Variants in PIGT observed in about 807,000 individuals in gnomAD.
PIGT encodes phosphatidylinositol glycan anchor biosynthesis class T.
A neutral mutation model predicts 66.7 loss-of-function variants in PIGT; 57 were observed. That is an observed-to-expected ratio of 0.86 (90% confidence interval 0.69 to 1.07). The LOEUF (loss-of-function observed/expected upper bound fraction) is 1.07, where lower values mean the gene tolerates loss of function less well. Among genes scored for constraint, PIGT ranks in the 50% least tolerant of loss-of-function variants. The pLI is 0.00. For missense variants in PIGT, 725 were observed against 740.4 expected (o/e 0.98, Z 0.24); for synonymous variants, 362 against 320.5 (o/e 1.13, Z -1.38).
intron 1 of PIGT, 36 bp from the exon 2 acceptor site, chr20:45,416,481 G>A: frequency 1.9e-6 from 3 of 1,602,012 alleles, no homozygotes; most frequent in Non-Finnish European, 2.6e-6. Flanking sequence ...CCCCGACGAG[G>A]TGGGGATCGT....
chr20:45,420,081 G>A (rs963529683), intron 5 of PIGT, 55 bp from the exon 6 acceptor site: 72 of 1,258,922 alleles, frequency 5.7e-5, no homozygotes, highest in Non-Finnish European at 7.6e-5. Context: ...TCTTTTTGGG[G>A]GCTGTGTGGT....
At chr20:45,416,422 T>C (rs1323401347) in intron 1 of PIGT, 79 bp downstream of exon 1, 1 of 1,557,076 alleles carries the variant, frequency 6.4e-7, no homozygotes, top group African/African-American at 1.4e-5. Context: ...AGGCAAACTT[T>C]GGGGGCGGGG....
chr20:45,424,680 A>G (rs1402599888), intron 11 of PIGT, 101 bp downstream of exon 11: 5 of 822,560 alleles, frequency 6.1e-6, no homozygotes, highest in African/African-American at 1.7e-5. Context: ...TAGATGTTAC[A>G]TCTTCCAAAG....
At chr20:45,416,423 G>A in intron 1 of PIGT, 80 bp downstream of exon 1, 1 of 1,556,812 alleles carries the variant, frequency 6.4e-7, no homozygotes, top group South Asian at 1.2e-5. Flanking sequence ...GGCAAACTTT[G>A]GGGGCGGGGC....
chr20:45,421,473 C>T lies in PIGT; in HGVS notation c.1124C>T (p.Thr375Ile). 2 of 1,614,198 alleles carry T rather than the reference C, an allele frequency of 1.2e-6. No individual in the cohort carries two copies. The highest frequency in any genetic ancestry group is 2.2e-5 in the South Asian group (2 of 91,088). The change falls in exon 9 of 12, where the codon ACC (threonine) becomes ATC (isoleucine). Residue 375 changes from threonine (T) to isoleucine (I), a missense_variant. Transcript: ENST00000279036. ...GAGCTGAGCACACTGCTGTACAACA[C>T]CCACCCATACCGGGCCTTCCCGGTG... ...KGELSTLLYN[T>I]HPYRAFPVLL...
chr20:45,416,206 C>T lies in PIGT; in HGVS notation c.50C>T (p.Pro17Leu), dbSNP rs1165358080. ...LALLVLLLLG[P>L]GGWCLAEPPR... ...CTGCTCGTCCTGTTGCTCCTGGGGC[C>T]CGGCGGCTGGTGCCTTGCAGAACCC... is the stretch of plus-strand genomic sequence containing the variant. Residue 17 changes from proline to leucine, a missense_variant, in exon 1 of 12, where the codon CCC becomes CTC. By Grantham distance (98) the Pro-to-Leu change is moderately conservative (BLOSUM62 -3). Around this residue, in one of 3 missense-constraint regions of PIGT, gnomAD observed 559 missense variants for 552.7 expected, o/e 1.01. Coordinates refer to ENST00000279036, the MANE Select transcript of PIGT (RefSeq NM_015937.6). The T allele has an allele frequency of 6.3e-7, 1 of 1,592,498 alleles. No individual in the cohort carries two copies. The highest frequency in any genetic ancestry group is 8.5e-7 in the Non-Finnish European group (1 of 1,170,412).
chr20:45,425,400 C>G (rs879246843), intron 11 of PIGT, 174 bp from the exon 12 acceptor site: 6 of 498,208 alleles, frequency 1.2e-5, no homozygotes, highest in African/African-American at 1.2e-4. Flanking sequence ...GCCCCCCGCC[C>G]GCCGCTCCCC....
chr20:45,421,679 A>T, intron 9 of PIGT, 96 bp downstream of exon 9: 2 of 981,942 alleles, frequency 2.0e-6, no homozygotes, highest in South Asian at 3.0e-5. Flanking sequence ...TTCCTGAAGT[A>T]CCTCTGAAAA....
intron 2 of PIGT, chr20:45,417,622 C>T (rs570926607): frequency 5.3e-5 from 8 of 152,238 alleles, no homozygotes; most frequent in Non-Finnish European, 1.2e-4. Context: ...GCCACCACAC[C>T]TGGCCTCATT....
At chr20:45,417,942 C>T (rs939707189) in intron 2 of PIGT, 26 of 152,210 alleles carry the variant, frequency 1.7e-4, no homozygotes, top group Non-Finnish European at 1.5e-5. Context: ...CTCTGGCTCC[C>T]CTACCCTTTC....
chr20:45,419,055 T>C, intron 3 of PIGT, 76 bp downstream of exon 3: 1 of 1,578,994 alleles, frequency 6.3e-7, no homozygotes. Flanking sequence ...TCCCTCAGTT[T>C]CCTGCTTCCT....
rs1175792362 is a variant in PIGT, at chr20:45,424,295, A to G, written c.1314A>G (p.Ser438=). ...TGCTGATTCAGCTGCCGGCCAACTC[A>G]GTCACCAAGGTTTCCATCCAGTTTG... ...LEMLIQLPAN[S]VTKVSIQFER... Residue 438 remains serine (S), a synonymous_variant, in exon 10 of 12, where the codon TCA becomes TCG. Transcript: ENST00000279036. The G allele has an allele frequency of 6.2e-7, 1 of 1,614,158 alleles. No homozygotes were observed. Among genetic ancestry groups the G allele is most frequent in the Admixed American group, 1.7e-5 (1 of 60,022 alleles).
chr20:45,419,468 T>C, intron 4 of PIGT, 36 bp from the exon 5 acceptor site: 1 of 1,613,322 alleles, frequency 6.2e-7, no homozygotes, highest in Non-Finnish European at 8.5e-7. Flanking sequence ...AAGTGCTCCA[T>C]ACAGGGCTTC....
At chr20:45,419,828 C>T (rs1990235207) in intron 5 of PIGT, 3 of 600,152 alleles carry the variant, frequency 5.0e-6, no homozygotes, top group Non-Finnish European at 3.0e-6. Flanking sequence ...ATTGCTAGCT[C>T]AGTCACTTGC....
In PIGT at chr20:45,425,892, C is replaced by T; in HGVS notation, c.*66C>T. On this transcript the variant is annotated 3_prime_UTR_variant, in exon 12 of 12. Coordinates refer to ENST00000279036, the MANE Select transcript of PIGT (RefSeq NM_015937.6). ...GGGGAGGGGAGCCCAAGGGCTGTTTCTGCCACTTGCTCTCCTCAGAGTTGG... is the reference window on the plus strand; with the variant it reads ...GGGGAGGGGAGCCCAAGGGCTGTTTTTGCCACTTGCTCTCCTCAGAGTTGG... 1 of 1,552,618 alleles carries T rather than the reference C, an allele frequency of 6.4e-7. No individual in the cohort carries two copies. The highest frequency in any genetic ancestry group is 1.2e-5 in the South Asian group (1 of 82,158).
intron 9 of PIGT, chr20:45,422,438 C>T (rs1990425866): frequency 6.6e-6 from 1 of 151,124 alleles, no homozygotes; most frequent in African/African-American, 2.4e-5. Flanking sequence ...CTGTACACAC[C>T]CTGCAGCCTT....
intron 9 of PIGT, 85 bp downstream of exon 9, chr20:45,421,668 G>C: frequency 2.8e-6 from 3 of 1,077,930 alleles, no homozygotes; most frequent in Non-Finnish European, 4.2e-6. Context: ...TCCCAGGGTA[G>C]TTCCTGAAGT....
Position 45,424,222 on chromosome 20 carries a change from T to C in PIGT, c.1241T>C (p.Ile414Thr). Residue 414 changes from isoleucine to threonine, a missense_variant, in exon 10 of 12, where the codon ATC (isoleucine) becomes ACC (threonine). By Grantham distance (89) the Ile-to-Thr change is moderately conservative (BLOSUM62 -1). Around this residue, in one of 3 missense-constraint regions of PIGT, gnomAD observed 559 missense variants for 552.7 expected, o/e 1.01. Transcript: ENST00000279036. ...SKGKENKPSYIHYQPAQDRLQ... is the reference protein window; with the variant it reads ...SKGKENKPSYTHYQPAQDRLQ... ...TGACCTTGCATGTCTCCAGGTTACATCCACTACCAGCCTGCCCAGGACCGG... is the reference window on the plus strand; with the variant it reads ...TGACCTTGCATGTCTCCAGGTTACACCCACTACCAGCCTGCCCAGGACCGG... The C allele has an allele frequency of 6.2e-7, 1 of 1,614,076 alleles. No homozygotes were observed. Among genetic ancestry groups the C allele is most frequent in the South Asian group, 1.1e-5 (1 of 91,072 alleles).
At chr20:45,416,486 G>T in intron 1 of PIGT, 31 bp from the exon 2 acceptor site, 1 of 1,604,154 alleles carries the variant, frequency 6.2e-7, no homozygotes, top group Non-Finnish European at 8.5e-7. Flanking sequence ...ACGAGGTGGG[G>T]ATCGTCACTC....
Sources: gnomAD v4.1 joint callset for allele counts on GRCh38, gnomAD v4.1.1 for gene constraint, gnomAD v4.1.1 regional missense constraint, MANE v1.5 for transcripts, NCBI Gene and HGNC (gene_info 2026-07-23, HGNC 2026-07-21) for gene names.